The following CCSAP variants were observed in gnomAD, a reference collection of about 807,000 sequenced individuals.
The protein encoded by CCSAP is centriole, cilia and spindle associated protein, also known as centriole, cilia and spindle-associated protein.
In CCSAP, 17 loss-of-function variants were observed where a neutral mutation model predicts 25.9. The observed-to-expected ratio is 0.66, with a 90% confidence interval of 0.45 to 0.99. The LOEUF is 0.99. Among genes scored for constraint, CCSAP ranks in the 50% least tolerant of loss-of-function variants. The probability of loss-of-function intolerance (pLI) is 0.00; values close to 1 mark genes in which losing one functional copy is unlikely to be tolerated. For missense variants in CCSAP, 339 were observed against 367.8 expected (o/e 0.92, Z 0.64); for synonymous variants, 169 against 157.1 (o/e 1.08, Z -0.57).
In CCSAP at chr1:229,324,400, A is replaced by C. The variant is rs1657892666; in HGVS notation, c.*835T>G. 1 of 152,064 alleles carries C rather than the reference A, an allele frequency of 6.6e-6. No homozygotes were observed. The highest frequency in any genetic ancestry group is 2.4e-5 in the African/African-American group (1 of 41,284). 9.4% of individuals were successfully genotyped at this position (152,064 alleles called of 1,614,324 possible). On this transcript the variant is annotated 3_prime_UTR_variant, in exon 4 of 4. Coordinates refer to ENST00000284617, the MANE Select transcript of CCSAP (RefSeq NM_145257.5). ...TGTATGCCAAAAGGTCAAGTGTGAC[A>C]AGGGACTGAATCCACAGTATGTATT... is the stretch of plus-strand genomic sequence containing the variant.
intron 3 of CCSAP, among the ~76,000 whole-genome samples, chr1:229,325,681 T>A (rs1371053484): frequency 6.6e-6 from 1 of 152,278 alleles, no homozygotes; most frequent in Non-Finnish European, 1.5e-5. Flanking sequence ...CTAATTTGCA[T>A]GTGCCTCTAG....
Position 229,342,234 on chromosome 1 carries a change from G to A in CCSAP, c.232C>T (p.Pro78Ser). The change falls in exon 2 of 4, where the codon CCG (proline) becomes TCG (serine). Residue 78 changes from proline (P) to serine (S), a missense_variant. By Grantham distance (74) the Pro-to-Ser change is moderately conservative. Transcript: ENST00000284617. The surrounding 1 kb of genome is among the most constrained non-coding windows in gnomAD (Gnocchi z 7.5). ...GAGGPAPRCA[P>S]PSPPPPVEPA... ...TCTACGGGCGGCGGGGGCGAGGGCG[G>A]GGCGCACCGGGGTGCGGGGCCCCCG... 1 of 1,262,970 alleles carries A rather than the reference G, an allele frequency of 7.9e-7. No homozygotes were observed. Among genetic ancestry groups the A allele is most frequent in the Non-Finnish European group, 9.9e-7 (1 of 1,007,172 alleles). The allele number at this position is 1,262,970 out of a possible 1,614,324, so 78.2% of individuals were successfully genotyped here. A position where few individuals can be genotyped will look rare whatever the true frequency, so the allele number is the denominator to read the frequency against.
In CCSAP at chr1:229,325,030, T is replaced by C; in HGVS notation, c.*205A>G. On this transcript the variant is annotated 3_prime_UTR_variant, in exon 4 of 4. Coordinates refer to ENST00000284617, the MANE Select transcript of CCSAP (RefSeq NM_145257.5). ...TTATCTTCATAAATAACCAAATGTCTATGGCTTCAACTGTCTGCCCTACTG... is the reference window on the plus strand; with the variant it reads ...TTATCTTCATAAATAACCAAATGTCCATGGCTTCAACTGTCTGCCCTACTG... 2.1e-6 allele frequency: 1 copy of C among 477,828 alleles called. No individual in the cohort carries two copies. 29.6% of individuals were successfully genotyped at this position (477,828 alleles called of 1,614,324 possible).
chr1:229,339,618 G>T (rs1248692675), intron 2 of CCSAP, among the ~76,000 whole-genome samples: 1 of 152,112 alleles, frequency 6.6e-6, no homozygotes, highest in Admixed American at 6.6e-5. Flanking sequence ...GATGGCCAAG[G>T]GCCCTCCCAA....
intron 2 of CCSAP, among the ~76,000 whole-genome samples, chr1:229,337,702 C>CATAAATATATAT: frequency 2.1e-5 from 1 of 48,590 alleles, no homozygotes; most frequent in Non-Finnish European, 4.3e-5. Context: ...TATATATACA[C>CATAAATATATAT]ATACATATAT....
chr1:229,327,201 C>G, intron 2 of CCSAP, 195 bp from the exon 3 acceptor site: 1 of 501,460 alleles, frequency 2.0e-6, no homozygotes. Context: ...ATTTTAAAAT[C>G]AACAACAAAT....
At chr1:229,340,540 A>G (rs1485567654) in intron 2 of CCSAP, 6 of 680,118 alleles carry the variant, frequency 8.8e-6, no homozygotes, top group Non-Finnish European at 1.6e-5. Context: ...GATAAAGTAC[A>G]TCTCAATTTA....
intron 2 of CCSAP, among the ~76,000 whole-genome samples, chr1:229,331,787 TTTA>T (rs139107975): frequency 0.056 from 7,849 of 140,550 alleles, 273 homozygotes; most frequent in African/African-American, 0.091. Flanking sequence ...CTAATATCCT[TTTA>T]TTATTATTAT....
At chr1:229,340,709 G>A (rs1571858508) in intron 2 of CCSAP, 1 of 363,656 alleles carries the variant, frequency 2.7e-6, no homozygotes, top group Non-Finnish European at 4.9e-6. Context: ...TGCCTCCGAT[G>A]ATGAGCTGAA....
At chr1:229,326,253 A>G (rs1328560235) in intron 3 of CCSAP, among the ~76,000 whole-genome samples, 1 of 152,176 alleles carries the variant, frequency 6.6e-6, no homozygotes, top group Non-Finnish European at 1.5e-5. Context: ...AGCCATTTGA[A>G]TTTAATCAGA....
intron 2 of CCSAP, among the ~76,000 whole-genome samples, chr1:229,337,360 TATC>T (rs1298912593): frequency 1.3e-5 from 2 of 152,056 alleles, no homozygotes; most frequent in African/African-American, 2.4e-5. Context: ...GATTCAGTGT[TATC>T]ATAATGCCTC....
chr1:229,327,049 G>A (rs768196453), intron 2 of CCSAP, 43 bp from the exon 3 acceptor site: 4 of 1,457,100 alleles, frequency 2.7e-6, no homozygotes, highest in Non-Finnish European at 3.7e-6. Flanking sequence ...TTTGAAATCA[G>A]ATTTATATAT....
chr1:229,340,898 A>G (rs1393908861), intron 2 of CCSAP, among the ~76,000 whole-genome samples: 1 of 152,200 alleles, frequency 6.6e-6, no homozygotes, highest in African/African-American at 2.4e-5. Flanking sequence ...TTTTTCATCT[A>G]TAAAACTGAG....
Position 229,342,525 on chromosome 1 carries a change from G to T in CCSAP, c.-48-12C>A. ...TCGCTGCCCGCAGCCTACGGGACCC[G>T]GTACACGACACAGAGGCCGCCCCGC... On this transcript the variant is annotated splice_polypyrimidine_tract_variant and intron_variant, in intron 1 of 3. Coordinates refer to ENST00000284617, the MANE Select transcript of CCSAP (RefSeq NM_145257.5). The surrounding 1 kb of genome is among the most constrained non-coding windows in gnomAD (Gnocchi z 7.5). 8.5e-7 allele frequency: 1 copy of T among 1,175,648 alleles called. No individual in the cohort carries two copies. Among genetic ancestry groups the T allele is most frequent in the Non-Finnish European group, 1.1e-6 (1 of 918,356 alleles). 72.8% of individuals were successfully genotyped at this position (1,175,648 alleles called of 1,614,324 possible).
Position 229,322,234 on chromosome 1 carries a change from G to GA in CCSAP, c.*3000dup, listed in dbSNP as rs2102688952. The GA allele has an allele frequency of 6.6e-6, 1 of 152,234 alleles. No homozygotes were observed. The highest frequency in any genetic ancestry group is 2.4e-5 in the African/African-American group (1 of 41,526). The allele number at this position is 152,234 out of a possible 1,614,324, so 9.4% of individuals were successfully genotyped here. Reference sequence around the variant, plus strand: ...TTTTTTTTAACTTACGAATTGTGCAGAATTATCTTCTGGAAGTTATGGCTT... The same window carrying GA: ...TTTTTTTTAACTTACGAATTGTGCAGAAATTATCTTCTGGAAGTTATGGCTT... On this transcript the variant is annotated 3_prime_UTR_variant, in exon 4 of 4. Coordinates refer to ENST00000284617, the MANE Select transcript of CCSAP (RefSeq NM_145257.5).
At chr1:229,338,088 G>C (rs942948833) in intron 2 of CCSAP, among the ~76,000 whole-genome samples, 16 of 152,028 alleles carry the variant, frequency 1.1e-4, no homozygotes, top group African/African-American at 3.9e-4. Flanking sequence ...ATTAAACAAA[G>C]CAATCATATA....
At chr1:229,326,605 C>G in intron 3 of CCSAP, 133 bp downstream of exon 3, 1 of 1,060,204 alleles carries the variant, frequency 9.4e-7, no homozygotes, top group Non-Finnish European at 1.4e-6. Context: ...CCCCAACCCA[C>G]CATGCTATCC....
chr1:229,331,786 T>TA (rs1353335314), intron 2 of CCSAP, among the ~76,000 whole-genome samples: 76 of 120,458 alleles, frequency 6.3e-4, no homozygotes, highest in African/African-American at 1.9e-3. Context: ...TCTAATATCC[T>TA]TTTATTATTA....
At chr1:229,340,520 C>T (rs957741911) in intron 2 of CCSAP, 10 of 701,896 alleles carry the variant, frequency 1.4e-5, no homozygotes, top group Non-Finnish European at 2.4e-5. Flanking sequence ...AGAGAAAAGC[C>T]ATTTAGCCTG....
Sources: allele counts gnomAD v4.1 joint callset (sites outside exome capture counted in the v4.1 genomes callset), GRCh38; gene constraint gnomAD v4.1.1; non-coding constraint Gnocchi (gnomAD v3.1); transcripts MANE v1.5; gene names NCBI Gene and HGNC (gene_info 2026-07-23, HGNC 2026-07-21).